Variants in CSMD1 observed in about 807,000 individuals in gnomAD.
CSMD1 encodes CUB and Sushi multiple domains 1.
Under a neutral mutation model 417.5 loss-of-function variants are expected in CSMD1, and 213 were observed. The ratio of observed to expected loss-of-function variants is 0.51; its 90% CI spans 0.46 to 0.57. CSMD1 has a LOEUF of 0.57. CSMD1 is among the 20% of genes least tolerant of loss of function. The pLI is 0.00. For synonymous variants in CSMD1, 2,862 were observed against 1,736.8 expected (o/e 1.65, Z -16.11); for missense variants, 6,923 against 4,529.7 (o/e 1.53, Z -15.17).
chr8:3,076,971 G>C (rs1203447639), intron 49 of CSMD1, among the ~76,000 whole-genome samples: 1 of 152,158 alleles, frequency 6.6e-6, no homozygotes, highest in Admixed American at 6.5e-5. Flanking sequence ...GTATCCAACA[G>C]GCAACCCTCA....
Position 2,962,402 on chromosome 8 carries a change from G to T in CSMD1, c.9628+64C>A, listed in dbSNP as rs1315964321. On this transcript the variant is annotated intron_variant, in intron 61 of 69. Transcript: ENST00000635120. ...ATGTAATCACAAATGACCCAATTTCGGAATGAAGCGTCCTCATCTCCAAAT... is the reference window on the plus strand; with the variant it reads ...ATGTAATCACAAATGACCCAATTTCTGAATGAAGCGTCCTCATCTCCAAAT... 1.1e-5 allele frequency: 15 copies of T among 1,424,500 alleles called. No individual in the cohort carries two copies. In the African/African-American group the frequency reaches 1.4e-4, roughly 14 times the overall value. The allele number at this position is 1,424,500 out of a possible 1,614,324, so 88.2% of individuals were successfully genotyped here.
At chr8:4,057,833 C>G (rs1208320986) in intron 3 of CSMD1, among the ~76,000 whole-genome samples, 1 of 152,146 alleles carries the variant, frequency 6.6e-6, no homozygotes, top group East Asian at 1.9e-4. Context: ...TGTCAAAGAT[C>G]AGATAGTTGT....
chr8:4,287,539 G>A lies in CSMD1; in HGVS notation c.415+132414C>T, dbSNP rs193243386. ...ACACATGTTGCAGCTTCCCATTATCGTTATAGATAACAAAGACGGGGGACT... is the reference window on the plus strand; with the variant it reads ...ACACATGTTGCAGCTTCCCATTATCATTATAGATAACAAAGACGGGGGACT... On this transcript the variant is annotated intron_variant, in intron 3 of 69. Coordinates refer to ENST00000635120, the MANE Select transcript of CSMD1 (RefSeq NM_033225.6). Among the ~76,000 whole-genome samples, 308 of 152,084 alleles carry A rather than the reference G, an allele frequency of 2.0e-3. 1 individual carries two copies. The highest frequency in any genetic ancestry group is 2.4e-3 in the Non-Finnish European group (164 of 68,006).
chr8:2,999,977 T>C lies in CSMD1; in HGVS notation c.8184A>G (p.Gly2728=), dbSNP rs1371279419. Residue 2728 remains glycine (G), a synonymous_variant, in exon 53 of 70, where the codon GGA becomes GGG. Transcript: ENST00000635120. ...RICLQDHKWS[G]QTPVCVPITC... ...ACTTACGGACACAGACAGGCGTTTG[T>C]CCAGACCACTTGTGGTCTTGCAGGC... 3 of 1,609,958 alleles carry C rather than the reference T, an allele frequency of 1.9e-6. No individual in the cohort carries two copies. Among genetic ancestry groups the C allele is most frequent in the African/African-American group, 2.7e-5 (2 of 74,088 alleles).
intron 1 of CSMD1, among the ~76,000 whole-genome samples, chr8:4,931,479 T>C (rs1807243168): frequency 6.6e-6 from 1 of 152,168 alleles, no homozygotes; most frequent in South Asian, 2.1e-4. Flanking sequence ...GTCCCAGCAA[T>C]CATGGAAACA....
chr8:4,372,331 A>G (rs983884993), intron 3 of CSMD1, among the ~76,000 whole-genome samples: 1 of 152,194 alleles, frequency 6.6e-6, no homozygotes, highest in Non-Finnish European at 1.5e-5. Context: ...GGTAGCATTA[A>G]AAGTGAAGGA....
chr8:4,009,930 C>T (rs977315376), intron 4 of CSMD1, among the ~76,000 whole-genome samples: 9 of 152,044 alleles, frequency 5.9e-5, no homozygotes, highest in African/African-American at 2.2e-4. Context: ...TCTCCTCTGT[C>T]GCCCTTTATC....
At chr8:4,901,801 G>C (rs542908395) in intron 1 of CSMD1, among the ~76,000 whole-genome samples, 2 of 152,262 alleles carry the variant, frequency 1.3e-5, no homozygotes, top group African/African-American at 4.8e-5. Flanking sequence ...GCACAATTGT[G>C]ATTACATATT....
intron 2 of CSMD1, among the ~76,000 whole-genome samples, chr8:4,471,310 G>C (rs1375626911): frequency 6.6e-6 from 1 of 152,140 alleles, no homozygotes; most frequent in African/African-American, 2.4e-5. Context: ...TTGGTAAAAA[G>C]CTGGAAAAGG....
intron 2 of CSMD1, among the ~76,000 whole-genome samples, chr8:4,490,170 A>C (rs1386198260): frequency 6.6e-6 from 1 of 151,308 alleles, no homozygotes; most frequent in Non-Finnish European, 1.5e-5. Flanking sequence ...CCTCTCAGGT[A>C]GCTGGGATTA....
At chr8:4,580,825 T>A (rs1479025783) in intron 2 of CSMD1, among the ~76,000 whole-genome samples, 1 of 152,238 alleles carries the variant, frequency 6.6e-6, no homozygotes, top group Non-Finnish European at 1.5e-5. Context: ...TTGTATCTTG[T>A]ACATACTGCC....
At chr8:4,042,777 T>C (rs1797955979) in intron 3 of CSMD1, among the ~76,000 whole-genome samples, 1 of 136,590 alleles carries the variant, frequency 7.3e-6, no homozygotes, top group African/African-American at 2.8e-5. Flanking sequence ...CACATTGCTG[T>C]ATCTTCGCTA....
At chr8:3,179,265 C>T (rs1821157554) in intron 37 of CSMD1, among the ~76,000 whole-genome samples, 1 of 152,144 alleles carries the variant, frequency 6.6e-6, no homozygotes, top group Non-Finnish European at 1.5e-5. Context: ...ATTTCAAATT[C>T]TGGCATGAAG....
intron 41 of CSMD1, among the ~76,000 whole-genome samples, chr8:3,140,327 T>TTCTC (rs531790394): frequency 1.4e-4 from 19 of 134,128 alleles, no homozygotes; most frequent in South Asian, 4.8e-4. Flanking sequence ...CTCTCTGATG[T>TTCTC]TCTCTCTCTC....
At chr8:3,735,111 A>T (rs1039845658) in intron 6 of CSMD1, among the ~76,000 whole-genome samples, 6 of 152,210 alleles carry the variant, frequency 3.9e-5, no homozygotes, top group African/African-American at 1.4e-4. Flanking sequence ...GTACATTTGC[A>T]AAATAACTCT....
At chr8:4,122,774 G>C (rs1287068658) in intron 3 of CSMD1, among the ~76,000 whole-genome samples, 1 of 152,074 alleles carries the variant, frequency 6.6e-6, no homozygotes, top group African/African-American at 2.4e-5. Flanking sequence ...TCTTATCAAT[G>C]GAAGTCACTG....
At chr8:4,150,095 T>G (rs577280536) in intron 3 of CSMD1, among the ~76,000 whole-genome samples, 1 of 152,192 alleles carries the variant, frequency 6.6e-6, no homozygotes, top group Non-Finnish European at 1.5e-5. Flanking sequence ...CTCGTTTGTT[T>G]TTTAAGGGAG....
intron 49 of CSMD1, among the ~76,000 whole-genome samples, chr8:3,079,119 T>C (rs904040456): frequency 6.6e-6 from 1 of 152,188 alleles, no homozygotes; most frequent in African/African-American, 2.4e-5. Flanking sequence ...TGCACAGTAC[T>C]GTACCCAAGC....
At chr8:4,993,385 T>C (rs1811580299) in intron 1 of CSMD1, among the ~76,000 whole-genome samples, 1 of 152,210 alleles carries the variant, frequency 6.6e-6, no homozygotes. Flanking sequence ...GTATTCTCTC[T>C]CTCTCTGTCT....
Sources: gnomAD v4.1 joint callset for allele counts (sites outside exome capture counted in the v4.1 genomes callset) on GRCh38, gnomAD v4.1.1 for gene constraint, MANE v1.5 for transcripts, NCBI Gene and HGNC (gene_info 2026-07-23, HGNC 2026-07-21) for gene names.